Variants in SYNE2 observed in about 807,000 individuals in gnomAD.
The protein encoded by SYNE2 is nesprin-2.
SYNE2 carries 431 observed loss-of-function variants against 856.3 expected under a neutral mutation model. That is an observed-to-expected ratio of 0.50 (90% CI 0.47 to 0.55). The LOEUF is 0.55. Among genes scored for constraint, SYNE2 ranks in the 20% least tolerant of loss-of-function variants. The pLI is 0.00. For missense variants in SYNE2, 8,129 were observed against 8,023.2 expected (o/e 1.01, Z -0.50); for synonymous variants, 2,923 against 2,872.3 (o/e 1.02, Z -0.56).
rs2097030805 is a variant in SYNE2 at position 64,031,096 on chromosome 14, A to G, written c.6960A>G (p.Thr2320=). ...LALAKSVKQN[T]SSVGQKIIKD... ...TAGCAAAATCCGTCAAGCAAAATACATCTTCAGTGGGGCAGAAGATTATTA... is the reference window on the plus strand; with the variant it reads ...TAGCAAAATCCGTCAAGCAAAATACGTCTTCAGTGGGGCAGAAGATTATTA... The change falls in exon 45 of 116, where the codon ACA becomes ACG. Residue 2320 remains threonine, a synonymous_variant. Coordinates refer to ENST00000555002, the MANE Select transcript of SYNE2 (RefSeq NM_182914.3). The G allele has an allele frequency of 1.2e-6, 2 of 1,614,112 alleles. No homozygotes were observed. The highest frequency in any genetic ancestry group is 1.7e-6 in the Non-Finnish European group (2 of 1,180,006).
chr14:64,206,458 A>AT lies in SYNE2; in HGVS notation c.18202-2290dup, dbSNP rs531971004. Reference sequence around the variant, plus strand: ...TAAAATGTAGTCTATCACTTTATTTATTTTTTTTTTGTACAAGGTAACTAG... The same window carrying AT: ...TAAAATGTAGTCTATCACTTTATTTATTTTTTTTTTTGTACAAGGTAACTAG... On this transcript the variant is annotated intron_variant, in intron 100 of 115. Coordinates refer to ENST00000555002, the MANE Select transcript of SYNE2 (RefSeq NM_182914.3). Among the ~76,000 whole-genome samples the AT allele has an allele frequency of 6.8e-4, 98 of 144,402 alleles. 2 individuals carry two copies. The highest frequency in any genetic ancestry group is 1.8e-3 in the South Asian group (8 of 4,520). 94.7% of individuals were successfully genotyped at this position (144,402 alleles called of 152,430 possible). A position where few individuals can be genotyped will look rare whatever the true frequency, so the allele number is the denominator to read the frequency against.
At chr14:63,777,695 G>A (rs1011877595) in intron 1 of SYNE2, among the ~76,000 whole-genome samples, 2 of 152,094 alleles carry the variant, frequency 1.3e-5, no homozygotes, top group African/African-American at 4.8e-5. Context: ...TAAAGACAGG[G>A]TCTCGCTCTG....
Position 64,210,070 on chromosome 14 carries a change from C to G in SYNE2, c.18669C>G (p.Asn6223Lys). Residue 6223 changes from asparagine to lysine, a missense_variant, in exon 103 of 116, where the codon AAC (asparagine) becomes AAG (lysine). Asn to Lys is a moderately conservative substitution (Grantham distance 94). Coordinates refer to ENST00000555002, the MANE Select transcript of SYNE2 (RefSeq NM_182914.3). ...SRLKQMVHEGNQRWDNLQRRV... is the reference protein window; with the variant it reads ...SRLKQMVHEGKQRWDNLQRRV... ...TGAAGCAGATGGTCCACGAGGGCAA[C>G]CAGCGCTGGGACAACCTTCAGAGGC... 6.2e-7 allele frequency: 1 copy of G among 1,614,118 alleles called. No homozygotes were observed. The highest frequency in any genetic ancestry group is 1.1e-5 in the South Asian group (1 of 91,084).
At chr14:63,771,235 A>AT (rs371916747) in intron 1 of SYNE2, among the ~76,000 whole-genome samples, 24 of 150,786 alleles carry the variant, frequency 1.6e-4, no homozygotes, top group Admixed American at 4.6e-4. Context: ...ACGCCCGGCT[A>AT]TTTTTTTTGT....
chr14:64,101,938 G>A lies in SYNE2; in HGVS notation c.12388G>A (p.Asp4130Asn). The change falls in exon 64 of 116, where the codon GAT becomes AAT. Residue 4130 changes from aspartate to asparagine, a missense_variant. By Grantham distance (23) the Asp-to-Asn change is conservative. Coordinates refer to ENST00000555002, the MANE Select transcript of SYNE2 (RefSeq NM_182914.3). ...CAATCGTTTACTGTGATAGAATGGA[G>A]ATGAGAAGGCAGAGCCATCGCCTCA... ...EESSVKSDNGDEKAEPSPQSW... is the reference protein window; with the variant it reads ...EESSVKSDNGNEKAEPSPQSW... 1 of 1,612,786 alleles carries A rather than the reference G, an allele frequency of 6.2e-7. No homozygotes were observed. The highest frequency in any genetic ancestry group is 1.7e-4 in the Middle Eastern group (1 of 6,060).
intron 70 of SYNE2, 61 bp from the exon 71 acceptor site, chr14:64,125,018 A>T: frequency 6.2e-7 from 1 of 1,600,260 alleles, no homozygotes; most frequent in Non-Finnish European, 8.5e-7. Context: ...TAAAAAAATA[A>T]ATTAATTAAC....
At chr14:63,847,834 C>T (rs1198365426) in intron 1 of SYNE2, among the ~76,000 whole-genome samples, 2 of 151,850 alleles carry the variant, frequency 1.3e-5, no homozygotes, top group African/African-American at 4.8e-5. Context: ...GATCCACCCA[C>T]CTTGGCCACC....
intron 45 of SYNE2, among the ~76,000 whole-genome samples, chr14:64,046,639 A>G (rs2097188279): frequency 6.6e-6 from 1 of 152,226 alleles, no homozygotes; most frequent in African/African-American, 2.4e-5. Flanking sequence ...TACAGGCATG[A>G]GCCACTGTGC....
intron 89 of SYNE2, 48 bp from the exon 90 acceptor site, chr14:64,165,237 T>C (rs1430437253): frequency 3.1e-6 from 5 of 1,593,980 alleles, no homozygotes; most frequent in Non-Finnish European, 4.3e-6. Context: ...TAATTCTGTT[T>C]TATATGTACA....
intron 1 of SYNE2, among the ~76,000 whole-genome samples, chr14:63,826,362 C>A (rs527572351): frequency 1.5e-4 from 23 of 152,244 alleles, no homozygotes; most frequent in African/African-American, 5.5e-4. Flanking sequence ...TTGAGTGGCA[C>A]AATCTCAGCT....
chr14:63,764,946 T>TCAAAA (rs917438567), intron 1 of SYNE2, among the ~76,000 whole-genome samples: 4 of 152,096 alleles, frequency 2.6e-5, no homozygotes, highest in East Asian at 1.9e-4. Context: ...AGACCTTGTC[T>TCAAAA]CAAAACAAAA....
At chr14:63,837,922 A>T (rs2139917286) in intron 1 of SYNE2, among the ~76,000 whole-genome samples, 1 of 150,150 alleles carries the variant, frequency 6.7e-6, no homozygotes, top group East Asian at 1.9e-4. Flanking sequence ...CTGTTTCAAA[A>T]AAAAAAAAAA....
intron 60 of SYNE2, 92 bp downstream of exon 60, chr14:64,091,140 T>A: frequency 8.3e-7 from 1 of 1,199,288 alleles, no homozygotes. Context: ...TTCATTATTA[T>A]CCTATTATTG....
intron 28 of SYNE2, among the ~76,000 whole-genome samples, chr14:64,001,387 G>A (rs912699608): frequency 1.8e-4 from 28 of 152,116 alleles, no homozygotes; most frequent in Non-Finnish European, 3.4e-4. Flanking sequence ...ATATTACACT[G>A]CTAAGAATAC....
intron 2 of SYNE2, among the ~76,000 whole-genome samples, chr14:63,922,564 A>C (rs761692579): frequency 1.3e-5 from 2 of 152,126 alleles, no homozygotes; most frequent in Non-Finnish European, 2.9e-5. Context: ...GCACTGTGGG[A>C]GGATAGCTTG....
rs192511808 is a variant in SYNE2, at chr14:63,917,366, A to T, written c.79+8139A>T. On this transcript the variant is annotated intron_variant, in intron 2 of 115. Transcript: ENST00000555002. ...CTGGCTATCAGTGTTTTACTATAAC[A>T]ATACAAAAGCTTCTAGAAAGTTCCT... Among the ~76,000 whole-genome samples, 13 of 152,382 alleles carry T rather than the reference A, an allele frequency of 8.5e-5. 1 individual carries two copies. Among genetic ancestry groups the T allele is most frequent in the African/African-American group, 2.6e-4 (11 of 41,596 alleles).
chr14:63,783,971 C>T (rs533758528), intron 1 of SYNE2, among the ~76,000 whole-genome samples: 2 of 152,268 alleles, frequency 1.3e-5, no homozygotes, highest in East Asian at 1.9e-4. Context: ...AGAAAATACA[C>T]GCAAATGTAT....
chr14:64,172,036 A>G (rs1303736571), intron 94 of SYNE2, among the ~76,000 whole-genome samples: 1 of 152,002 alleles, frequency 6.6e-6, no homozygotes, highest in Admixed American at 6.6e-5. Context: ...TTTTTAGTAG[A>G]GACAAGGTTT....
Position 64,031,025 on chromosome 14 carries a change from A to G in SYNE2, c.6889A>G (p.Asn2297Asp), listed in dbSNP as rs1165003617. The part of the protein sequence containing the change: ...EKLQKLQELE[N>D]RLSLQDGTLK... ...TTTTCTCCACTCGTAGGAACTAGAGAATAGACTCAGTTTACAAGATGGCAC... is the reference window on the plus strand; with the variant it reads ...TTTTCTCCACTCGTAGGAACTAGAGGATAGACTCAGTTTACAAGATGGCAC... The change falls in exon 45 of 116, where the codon AAT becomes GAT. Residue 2297 changes from asparagine to aspartate, a missense_variant. Coordinates refer to ENST00000555002, the MANE Select transcript of SYNE2 (RefSeq NM_182914.3). 1.9e-6 allele frequency: 3 copies of G among 1,613,352 alleles called. No individual in the cohort carries two copies. Among genetic ancestry groups the G allele is most frequent in the South Asian group, 2.2e-5 (2 of 90,974 alleles).
Sources: allele counts gnomAD v4.1 joint callset (sites outside exome capture counted in the v4.1 genomes callset), GRCh38; gene constraint gnomAD v4.1.1; transcripts MANE v1.5; gene names NCBI Gene and HGNC (gene_info 2026-07-23, HGNC 2026-07-21).